The following KCND3 variants were observed in gnomAD, a reference collection of about 807,000 sequenced individuals.
KCND3 encodes potassium voltage-gated channel subfamily D member 3.
A neutral mutation model predicts 51.1 loss-of-function variants in KCND3; 9 were observed. That is an observed-to-expected ratio of 0.18 (90% CI 0.11 to 0.31). The LOEUF (loss-of-function observed/expected upper bound fraction) is 0.31, where lower values mean the gene tolerates loss of function less well. Among genes scored for constraint, KCND3 ranks in the 10% least tolerant of loss-of-function variants. The probability of loss-of-function intolerance (pLI) is 1.00; values close to 1 mark genes in which losing one functional copy is unlikely to be tolerated. For missense variants in KCND3, 526 were observed against 903.8 expected, an observed-to-expected ratio of 0.58 and a Z score of 5.36; for synonymous variants, 349 against 368.0, an observed-to-expected ratio of 0.95 and a Z score of 0.59.
At position 111,981,405 on chromosome 1, in the gene KCND3, C is replaced by T. The variant is rs569595571; in HGVS notation, c.1106+216G>A. Reference sequence around the variant, plus strand: ...TCTTAGCTCTATAAAACACATGCCCCGACCTCAAAAAGAAAACTCAATTCC... The same window carrying T: ...TCTTAGCTCTATAAAACACATGCCCTGACCTCAAAAAGAAAACTCAATTCC... On this transcript the variant is annotated intron_variant, in intron 2 of 7. Coordinates refer to ENST00000302127, the MANE Select transcript of KCND3 (RefSeq NM_001378969.1). The surrounding 1 kb of genome is among the most constrained non-coding windows in gnomAD (Gnocchi z 6.2). 2.0e-5 allele frequency among the ~76,000 whole-genome samples: 3 copies of T among 152,234 alleles called. No individual in the cohort carries two copies. Among genetic ancestry groups the T allele is most frequent in the South Asian group, 4.2e-4 (2 of 4,812 alleles).
At chr1:111,889,391 A>T (rs1416084918) in intron 2 of KCND3, among the ~76,000 whole-genome samples, 2 of 152,256 alleles carry the variant, frequency 1.3e-5, no homozygotes, top group Non-Finnish European at 2.9e-5. Context: ...TTTATGGAGC[A>T]CTGGCTCTGT....
chr1:111,943,741 C>T (rs1172906085), intron 2 of KCND3, among the ~76,000 whole-genome samples: 1 of 152,212 alleles, frequency 6.6e-6, no homozygotes, highest in Non-Finnish European at 1.5e-5. Context: ...ATGCATCTGC[C>T]TTTACAAGGT....
intron 2 of KCND3, among the ~76,000 whole-genome samples, chr1:111,805,682 C>G (rs764094250): frequency 6.6e-6 from 1 of 152,200 alleles, no homozygotes; most frequent in African/African-American, 2.4e-5. Flanking sequence ...AAGCGAGGAG[C>G]GGGGGGACAT....
chr1:111,923,294 A>G (rs1283704271), intron 2 of KCND3, among the ~76,000 whole-genome samples: 1 of 152,184 alleles, frequency 6.6e-6, no homozygotes, highest in African/African-American at 2.4e-5. Flanking sequence ...AGCATCAGAC[A>G]CGACCAGAGG....
intron 7 of KCND3, among the ~76,000 whole-genome samples, chr1:111,776,486 A>C (rs1239077154): frequency 6.6e-6 from 1 of 152,196 alleles, no homozygotes; most frequent in African/African-American, 2.4e-5. Context: ...GTAGGCTTTG[A>C]ATTGCAGAAT....
intron 2 of KCND3, among the ~76,000 whole-genome samples, chr1:111,905,490 T>C (rs1670604018): frequency 6.6e-6 from 1 of 152,154 alleles, no homozygotes; most frequent in African/African-American, 2.4e-5. Flanking sequence ...TGGTACCGGG[T>C]AAGGACATCT....
At chr1:111,979,910 C>T (rs995675013) in intron 2 of KCND3, among the ~76,000 whole-genome samples, 1 of 152,100 alleles carries the variant, frequency 6.6e-6, no homozygotes. Flanking sequence ...GTCATGAGTC[C>T]CATCAAGGGG....
At chr1:111,877,242 C>G (rs72979278) in intron 2 of KCND3, among the ~76,000 whole-genome samples, 1 of 152,182 alleles carries the variant, frequency 6.6e-6, no homozygotes, top group Non-Finnish European at 1.5e-5. Context: ...CAGGGGCTTG[C>G]GAGTTGTCCT....
At chr1:111,877,740 G>A (rs1669113649) in intron 2 of KCND3, among the ~76,000 whole-genome samples, 1 of 152,184 alleles carries the variant, frequency 6.6e-6, no homozygotes, top group Non-Finnish European at 1.5e-5. Flanking sequence ...AGGGGCAGAG[G>A]GATAGAGTCC....
chr1:111,807,195 G>A (rs1665609008), intron 2 of KCND3, among the ~76,000 whole-genome samples: 1 of 152,158 alleles, frequency 6.6e-6, no homozygotes, highest in Admixed American at 6.5e-5. Context: ...GATAAAAAGA[G>A]ACCCCCAAAG....
At chr1:111,873,662 G>A (rs772154959) in intron 2 of KCND3, among the ~76,000 whole-genome samples, 1 of 152,090 alleles carries the variant, frequency 6.6e-6, no homozygotes, top group Non-Finnish European at 1.5e-5. Context: ...GGCTAGAGAG[G>A]ATCTCTCTCT....
chr1:111,931,077 A>G (rs1309657246), intron 2 of KCND3, among the ~76,000 whole-genome samples: 1 of 152,246 alleles, frequency 6.6e-6, no homozygotes, highest in Non-Finnish European at 1.5e-5. Flanking sequence ...GAAAGCACAG[A>G]AGAGTGTCTA....
At chr1:111,942,469 C>T (rs746289847) in intron 2 of KCND3, among the ~76,000 whole-genome samples, 18 of 152,334 alleles carry the variant, frequency 1.2e-4, no homozygotes, top group Middle Eastern at 3.4e-3. Context: ...CAGGCAGGCA[C>T]CTCAAGGTTG....
chr1:111,836,344 C>T (rs1040608428), intron 2 of KCND3, among the ~76,000 whole-genome samples: 1 of 152,226 alleles, frequency 6.6e-6, no homozygotes, highest in Non-Finnish European at 1.5e-5. Context: ...GACTCCCCGT[C>T]TCTCGCACCA....
intron 2 of KCND3, among the ~76,000 whole-genome samples, chr1:111,857,504 G>A (rs940529924): frequency 2.0e-5 from 3 of 152,274 alleles, no homozygotes; most frequent in South Asian, 2.1e-4. Context: ...GTAAATACCC[G>A]TCGCTTATGG....
At chr1:111,929,037 AT>A (rs1390900842) in intron 2 of KCND3, among the ~76,000 whole-genome samples, 1 of 152,114 alleles carries the variant, frequency 6.6e-6, no homozygotes, top group African/African-American at 2.4e-5. Context: ...TTTCCTGGGG[AT>A]TTTTCTGATT....
chr1:111,792,757 A>G (rs527662417), intron 2 of KCND3, among the ~76,000 whole-genome samples: 1 of 152,242 alleles, frequency 6.6e-6, no homozygotes, highest in East Asian at 1.9e-4. Flanking sequence ...CCTGGCATAT[A>G]GGAAGAGCTT....
At chr1:111,875,277 T>C (rs1234188905) in intron 2 of KCND3, among the ~76,000 whole-genome samples, 1 of 152,204 alleles carries the variant, frequency 6.6e-6, no homozygotes, top group Non-Finnish European at 1.5e-5. Flanking sequence ...TAGAGGGCTG[T>C]GTCAGGTGAG....
intron 2 of KCND3, among the ~76,000 whole-genome samples, chr1:111,822,996 C>T (rs777350874): frequency 1.8e-4 from 27 of 152,202 alleles, no homozygotes; most frequent in African/African-American, 3.1e-4. Context: ...CAAGGTCACA[C>T]GGTTTATAAG....
Sources: gnomAD v4.1 joint callset for allele counts (sites outside exome capture counted in the v4.1 genomes callset) on GRCh38, gnomAD v4.1.1 for gene constraint, Gnocchi (gnomAD v3.1) non-coding constraint, MANE v1.5 for transcripts, NCBI Gene and HGNC (gene_info 2026-07-23, HGNC 2026-07-21) for gene names.